SSPN: variants seen among roughly 807,000 people sequenced by gnomAD.
The protein encoded by SSPN is K-ras oncogene-associated protein.
Under a neutral mutation model 19.1 loss-of-function variants are expected in SSPN, and 15 were observed. The observed-to-expected ratio is 0.78, with a 90% CI of 0.52 to 1.21. SSPN has a LOEUF of 1.21. Ranked by LOEUF, SSPN falls within the 50% of genes most tolerant of loss-of-function variation. The probability of loss-of-function intolerance (pLI) is 0.00; values close to 1 mark genes in which losing one functional copy is unlikely to be tolerated. For missense variants in SSPN, 291 were observed against 314.0 expected (o/e 0.93, Z 0.55); for synonymous variants, 147 against 140.3 (o/e 1.05, Z -0.34).
intron 1 of SSPN, among the ~76,000 whole-genome samples, chr12:26,187,754 A>G (rs1343521569): frequency 6.6e-6 from 1 of 152,200 alleles, no homozygotes; most frequent in Non-Finnish European, 1.5e-5. Flanking sequence ...CAATTACAGA[A>G]CTAGGTGTGA....
intron 1 of SSPN, among the ~76,000 whole-genome samples, chr12:26,163,534 T>G (rs142909375): frequency 2.6e-5 from 4 of 152,316 alleles, no homozygotes; most frequent in Non-Finnish European, 5.9e-5. Context: ...AGGGCCTTCT[T>G]GCTGTGTCGT....
upstream of SSPN, among the ~76,000 whole-genome samples, chr12:26,193,804 A>G (rs1409463009): frequency 6.6e-6 from 1 of 152,218 alleles, no homozygotes; most frequent in East Asian, 1.9e-4. Flanking sequence ...TTTTCTAAGC[A>G]AATGTATTTG....
intron 1 of SSPN, among the ~76,000 whole-genome samples, chr12:26,154,593 A>G (rs1944545317): frequency 1.3e-5 from 2 of 152,320 alleles, no homozygotes; most frequent in South Asian, 4.1e-4. Flanking sequence ...TTAGGGAATG[A>G]CTAATTAAGG....
chr12:26,131,568 G>A (rs1399913499), intron 1 of SSPN, among the ~76,000 whole-genome samples: 5 of 152,212 alleles, frequency 3.3e-5, no homozygotes, highest in Non-Finnish European at 7.3e-5. Context: ...TTGCTTTAGG[G>A]TCAGAAGATT....
chr12:26,154,857 C>G (rs768763437), intron 1 of SSPN, among the ~76,000 whole-genome samples: 2 of 152,104 alleles, frequency 1.3e-5, no homozygotes, highest in South Asian at 4.1e-4. Flanking sequence ...AGATCCTGGA[C>G]CAGAATTATA....
chr12:26,127,741 CT>C (rs1301224801), intron 1 of SSPN, among the ~76,000 whole-genome samples: 1 of 151,900 alleles, frequency 6.6e-6, no homozygotes, highest in African/African-American at 2.4e-5. Flanking sequence ...GCTTTTTGCC[CT>C]TTTTTTTCTT....
chr12:26,211,320 G>A (rs1944983822), intron 1 of SSPN: 1 of 152,158 alleles, frequency 6.6e-6, no homozygotes, highest in African/African-American at 2.4e-5. Context: ...CCAAACCAAA[G>A]TGATTCTATT....
At chr12:26,149,246 G>C (rs1207386842) in intron 1 of SSPN, among the ~76,000 whole-genome samples, 3 of 151,554 alleles carry the variant, frequency 2.0e-5, no homozygotes, top group Non-Finnish European at 2.9e-5. Context: ...ATAACTCTTG[G>C]GATTAGAAAT....
At chr12:26,201,806 T>G (rs939632985) in intron 1 of SSPN, among the ~76,000 whole-genome samples, 1 of 152,236 alleles carries the variant, frequency 6.6e-6, no homozygotes, top group African/African-American at 2.4e-5. Flanking sequence ...TCTCTTACTT[T>G]AAGTAATATT....
chr12:26,153,161 A>G (rs1459129919), intron 1 of SSPN, among the ~76,000 whole-genome samples: 1 of 152,298 alleles, frequency 6.6e-6, no homozygotes, highest in East Asian at 1.9e-4. Context: ...ACTCAGGCAA[A>G]TTACTTAGCC....
intron 1 of SSPN, among the ~76,000 whole-genome samples, chr12:26,187,888 T>A (rs933049138): frequency 1.3e-5 from 2 of 152,108 alleles, no homozygotes; most frequent in East Asian, 3.9e-4. Context: ...ATGATAGTTT[T>A]TGTGAAGGGT....
intron 1 of SSPN, among the ~76,000 whole-genome samples, chr12:26,164,170 T>C (rs910384631): frequency 1.3e-5 from 2 of 152,218 alleles, no homozygotes; most frequent in African/African-American, 4.8e-5. Flanking sequence ...CTAAAAAGAA[T>C]TGATCATTCT....
chr12:26,145,127 C>T (rs1944482326), intron 1 of SSPN, among the ~76,000 whole-genome samples: 1 of 152,180 alleles, frequency 6.6e-6, no homozygotes, highest in Middle Eastern at 3.2e-3. Context: ...CAGATGTGAA[C>T]ATCATTAGCT....
chr12:26,146,849 C>T (rs1475319396), intron 1 of SSPN, among the ~76,000 whole-genome samples: 1 of 110,004 alleles, frequency 9.1e-6, no homozygotes, highest in Non-Finnish European at 2.1e-5. Flanking sequence ...TCATTATTTC[C>T]CAACAATAAG....
Position 26,132,074 on chromosome 12 carries a change from G to C in SSPN, c.-31+9922G>C, listed in dbSNP as rs551068067. Among the ~76,000 whole-genome samples, 44 of 152,322 alleles carry C rather than the reference G, an allele frequency of 2.9e-4. No individual in the cohort carries two copies. The South Asian group carries it at 6.4e-3, about 22-fold the overall frequency. Reference sequence around the variant, plus strand: ...GGTTGATGTTTAGAGGAGTTGTTGAGAGATGAGGAAGATGGTAGGAGGGGA... The same window carrying C: ...GGTTGATGTTTAGAGGAGTTGTTGACAGATGAGGAAGATGGTAGGAGGGGA... On this transcript the variant is annotated intron_variant, in intron 1 of 2. Transcript: ENST00000538142.
intron 2 of SSPN, among the ~76,000 whole-genome samples, chr12:26,228,223 C>T (rs1945196299): frequency 6.6e-6 from 1 of 151,942 alleles, no homozygotes; most frequent in South Asian, 2.1e-4. Context: ...TGGTGAAACC[C>T]TGTCTCTATC....
chr12:26,151,519 C>T (rs1405405388), intron 1 of SSPN, among the ~76,000 whole-genome samples: 1 of 152,136 alleles, frequency 6.6e-6, no homozygotes, highest in Admixed American at 6.6e-5. Context: ...CAATGAAAAA[C>T]AAATCATTTA....
chr12:26,232,473 A>G lies in SSPN; in HGVS notation c.*1397A>G. On this transcript the variant is annotated 3_prime_UTR_variant, in exon 3 of 3. Coordinates refer to ENST00000242729, the MANE Select transcript of SSPN (RefSeq NM_005086.5). ...AAATGGTATCAAGAACTTTATCAGT[A>G]TGCTTTGTTGAAAGCAGAAATTAAG... The G allele has an allele frequency of 1.0e-6, 1 of 985,438 alleles. No homozygotes were observed. The highest frequency in any genetic ancestry group is 1.2e-6 in the Non-Finnish European group (1 of 829,908). The allele number at this position is 985,438 out of a possible 1,614,324, so 61.0% of individuals were successfully genotyped here.
intron 1 of SSPN, among the ~76,000 whole-genome samples, chr12:26,183,075 A>G (rs1382964799): frequency 6.6e-6 from 1 of 152,002 alleles, no homozygotes; most frequent in East Asian, 1.9e-4. Context: ...CTAAAAGTAC[A>G]TACTTTAAAA....
Sources: allele counts gnomAD v4.1 joint callset (sites outside exome capture counted in the v4.1 genomes callset), GRCh38; gene constraint gnomAD v4.1.1; transcripts MANE v1.5; gene names NCBI Gene and HGNC (gene_info 2026-07-23, HGNC 2026-07-21).